GPAM: variants seen among roughly 807,000 people sequenced by gnomAD.
GPAM encodes glycerol-3-phosphate acyltransferase 1, mitochondrial.
Under a neutral mutation model 105.0 loss-of-function variants are expected in GPAM, and 56 were observed. The ratio of observed to expected loss-of-function variants is 0.53; its 90% CI spans 0.43 to 0.67. The LOEUF (loss-of-function observed/expected upper bound fraction) is 0.67. Among genes scored for constraint, GPAM ranks in the 30% least tolerant of loss-of-function variants. GPAM has a pLI of 0.00. For missense variants in GPAM, 855 were observed against 989.8 expected (o/e 0.86, Z 1.83); for synonymous variants, 368 against 354.4 (o/e 1.04, Z -0.43).
chr10:112,195,067 C>T (rs1387279763), intron 1 of GPAM, among the ~76,000 whole-genome samples: 1 of 152,160 alleles, frequency 6.6e-6, no homozygotes, highest in Admixed American at 6.6e-5. Context: ...TACTTCTGCA[C>T]TGGCTACCCA....
chr10:112,214,209 T>C (rs1564693090), intron 1 of GPAM: 1 of 152,148 alleles, frequency 6.6e-6, no homozygotes, highest in African/African-American at 2.4e-5. Flanking sequence ...CAGAAGTACT[T>C]GGGAATAAAG....
At chr10:112,208,010 A>T (rs2133302621) in intron 1 of GPAM, among the ~76,000 whole-genome samples, 1 of 152,326 alleles carries the variant, frequency 6.6e-6, no homozygotes, top group Non-Finnish European at 1.5e-5. Flanking sequence ...TATTCTTGGG[A>T]TTCGGCTTGC....
chr10:112,188,888 A>G (rs1847624437), intron 1 of GPAM, among the ~76,000 whole-genome samples: 2 of 152,172 alleles, frequency 1.3e-5, no homozygotes, highest in African/African-American at 4.8e-5. Flanking sequence ...GCAGCACAGA[A>G]GGGATTTGAA....
intron 5 of GPAM, 85 bp from the exon 6 acceptor site, chr10:112,175,798 A>T (rs1847393445): frequency 1.2e-6 from 1 of 806,174 alleles, no homozygotes; most frequent in African/African-American, 1.7e-5. Flanking sequence ...CGCCCATAAA[A>T]ACAAAGCCTA....
intron 13 of GPAM, 141 bp downstream of exon 13, chr10:112,164,384 T>C (rs1249511002): frequency 3.1e-6 from 2 of 652,788 alleles, no homozygotes; most frequent in East Asian, 2.8e-5. Flanking sequence ...CATCTCAATA[T>C]CCCTTATTGG....
At chr10:112,197,941 C>T (rs1231724638) in intron 1 of GPAM, among the ~76,000 whole-genome samples, 4 of 152,164 alleles carry the variant, frequency 2.6e-5, no homozygotes, top group African/African-American at 9.6e-5. Flanking sequence ...CTGCCATTTA[C>T]ACATGTCAAA....
chr10:112,200,244 T>TATATATATAGAG (rs61460320), intron 1 of GPAM, among the ~76,000 whole-genome samples: 1 of 123,552 alleles, frequency 8.1e-6, no homozygotes, highest in African/African-American at 3.1e-5. Flanking sequence ...TATATATATA[T>TATATATATAGAG]AGAGAGAGAG....
rs574816593 is a variant in GPAM at position 112,168,389 on chromosome 10, T to C, written c.1030A>G (p.Ile344Val). 9.3e-6 allele frequency: 15 copies of C among 1,610,346 alleles called. No individual in the cohort carries two copies. In the South Asian group the frequency reaches 1.3e-4, roughly 14 times the overall value. Reference sequence around the variant, plus strand: ...ACAGGTATTATCAAGATGTCTGGGATGACATTGGTAGACAGAGTATCTACC... The same window carrying C: ...ACAGGTATTATCAAGATGTCTGGGACGACATTGGTAGACAGAGTATCTACC... ...VVVDTLSTNV[I>V]PDILIIPVGI... is the part of the protein sequence containing the mutation. The change falls in exon 11 of 22, where the codon ATC (isoleucine) becomes GTC (valine). Residue 344 changes from isoleucine to valine, a missense_variant. Ile to Val is a conservative substitution (Grantham distance 29). Coordinates refer to ENST00000348367, the MANE Select transcript of GPAM (RefSeq NM_001244949.2).
intron 8 of GPAM, 21 bp downstream of exon 8, chr10:112,172,949 T>C (rs1847338195): frequency 4.7e-6 from 6 of 1,277,556 alleles, no homozygotes; most frequent in East Asian, 2.3e-5. Flanking sequence ...AATGGGGTAA[T>C]AGATTCACAG....
chr10:112,160,234 A>G, intron 16 of GPAM, 181 bp from the exon 17 acceptor site: 1 of 409,184 alleles, frequency 2.4e-6, no homozygotes, highest in Non-Finnish European at 3.3e-6. Flanking sequence ...AACTGCATCA[A>G]AAACCTTCTC....
At chr10:112,187,853 A>C (rs2133278730), upstream of GPAM, among the ~76,000 whole-genome samples, 1 of 152,330 alleles carries the variant, frequency 6.6e-6, no homozygotes, top group East Asian at 1.9e-4. Flanking sequence ...CATAAAACAT[A>C]TACTCTGAGC....
chr10:112,223,781 T>C, the GPAM span, among the ~76,000 whole-genome samples: 2 of 152,350 alleles, frequency 1.3e-5, no homozygotes, highest in East Asian at 3.9e-4. Context: ...CTGTGCCATG[T>C]AGCACAAAAG....
chr10:112,159,975 T>A lies in GPAM; in HGVS notation c.1838A>T (p.Glu613Val), dbSNP rs750608270. The change falls in exon 17 of 22, where the codon GAG (glutamate) becomes GTG (valine). Residue 613 changes from glutamate (E) to valine (V), a missense_variant. Coordinates refer to ENST00000348367, the MANE Select transcript of GPAM (RefSeq NM_001244949.2). Reference protein sequence around the residue: ...TSTPPNLISQEQLVRKAASLC... With the variant: ...TSTPPNLISQVQLVRKAASLC... ...GCTGGCCGCCTTCCGCACCAGCTGC[T>A]CCTGGCTGATCAGGTTAGGTGGGGT... 1.9e-6 allele frequency: 3 copies of A among 1,614,038 alleles called. No individual in the cohort carries two copies. The highest frequency in any genetic ancestry group is 2.2e-5 in the South Asian group (2 of 91,076).
intron 4 of GPAM, 45 bp downstream of exon 4, chr10:112,180,428 T>C (rs1564683072): frequency 2.5e-6 from 4 of 1,601,656 alleles, no homozygotes; most frequent in Non-Finnish European, 2.6e-6. Flanking sequence ...TTGGAAATAA[T>C]ATTTTATGCT....
Position 112,159,444 on chromosome 10 carries a change from C to T in GPAM, c.1902+467G>A, listed in dbSNP as rs571968602. Among the ~76,000 whole-genome samples the T allele has an allele frequency of 3.3e-5, 5 of 151,972 alleles. No homozygotes were observed. In the East Asian group the frequency reaches 5.8e-4, roughly 18 times the overall value. On this transcript the variant is annotated intron_variant, in intron 17 of 21. Coordinates refer to ENST00000348367, the MANE Select transcript of GPAM (RefSeq NM_001244949.2). The stretch of plus-strand genomic sequence containing the variant: ...TTCTCCACGTTAGCCAGGATGGTCT[C>T]GATCTCCTGACCTCGTGATCTGCCC...
At chr10:112,172,404 A>T in intron 8 of GPAM, 86 bp from the exon 9 acceptor site, 1 of 979,474 alleles carries the variant, frequency 1.0e-6, no homozygotes, top group Non-Finnish European at 1.6e-6. Flanking sequence ...AGAGTCACTC[A>T]AACACTGGCT....
chr10:112,186,768 C>T (rs1448041429), upstream of GPAM, among the ~76,000 whole-genome samples: 1 of 152,142 alleles, frequency 6.6e-6, no homozygotes, highest in Non-Finnish European at 1.5e-5. Context: ...CCAGGCCGGT[C>T]TCGATCTCCT....
chr10:112,179,874 C>T (rs1309710510), intron 4 of GPAM, among the ~76,000 whole-genome samples: 5 of 152,112 alleles, frequency 3.3e-5, no homozygotes, highest in South Asian at 2.1e-4. Context: ...CAACTACCAC[C>T]GAAAATATAC....
chr10:112,187,232 T>C (rs547708804), upstream of GPAM, among the ~76,000 whole-genome samples: 1 of 152,214 alleles, frequency 6.6e-6, no homozygotes, highest in Admixed American at 6.5e-5. Flanking sequence ...AGATGATAGA[T>C]TTAAGCTCAT....
Sources: gnomAD v4.1 joint callset for allele counts (sites outside exome capture counted in the v4.1 genomes callset) on GRCh38, gnomAD v4.1.1 for gene constraint, MANE v1.5 for transcripts, NCBI Gene and HGNC (gene_info 2026-07-23, HGNC 2026-07-21) for gene names.